Variants in LHFPL6 observed in about 807,000 individuals in gnomAD.
The protein encoded by LHFPL6 is LHFPL tetraspan subfamily member 6.
In LHFPL6, 9 loss-of-function variants were observed where a neutral mutation model predicts 20.6. The observed-to-expected ratio is 0.44, with a 90% CI of 0.26 to 0.76. LHFPL6 has a LOEUF of 0.76. Ranked by LOEUF, LHFPL6 falls within the 30% of genes least tolerant of loss-of-function variation. The pLI is 0.20. For synonymous variants in LHFPL6, 105 were observed against 98.7 expected (o/e 1.06, Z -0.38); for missense variants, 218 against 253.5 (o/e 0.86, Z 0.95).
At chr13:39,500,833 T>C (rs182031600) in intron 2 of LHFPL6, among the ~76,000 whole-genome samples, 16 of 152,348 alleles carry the variant, frequency 1.1e-4, no homozygotes, top group Non-Finnish European at 2.1e-4. Context: ...GTATTAAACA[T>C]AAATTAAACT....
intron 2 of LHFPL6, among the ~76,000 whole-genome samples, chr13:39,589,308 T>C (rs546916487): frequency 6.6e-6 from 1 of 152,248 alleles, no homozygotes; most frequent in Admixed American, 6.5e-5. Flanking sequence ...GGTTTCACCA[T>C]GTTGGTCAGG....
intron 2 of LHFPL6, among the ~76,000 whole-genome samples, chr13:39,482,817 G>A (rs536748863): frequency 2.0e-5 from 3 of 152,276 alleles, no homozygotes; most frequent in Non-Finnish European, 4.4e-5. Flanking sequence ...GGAAGGTAGA[G>A]TTTCATTAAA....
At chr13:39,412,847 G>A (rs868256468) in intron 2 of LHFPL6, among the ~76,000 whole-genome samples, 17 of 152,062 alleles carry the variant, frequency 1.1e-4, no homozygotes, top group Middle Eastern at 3.4e-3. Context: ...GCTCGAACCC[G>A]GGAGGCGGAG....
At chr13:39,345,782 G>C (rs1375305580) in intron 3 of LHFPL6, among the ~76,000 whole-genome samples, 1 of 152,144 alleles carries the variant, frequency 6.6e-6, no homozygotes, top group Admixed American at 6.5e-5. Flanking sequence ...GGAAGTGTGA[G>C]ATGTGACCAG....
chr13:39,448,034 C>A (rs539080218), intron 2 of LHFPL6, among the ~76,000 whole-genome samples: 2 of 152,300 alleles, frequency 1.3e-5, no homozygotes, highest in South Asian at 4.1e-4. Flanking sequence ...AGCCAGGCAC[C>A]AGGCCAAATC....
At chr13:39,467,457 C>A (rs9576810) in intron 2 of LHFPL6, among the ~76,000 whole-genome samples, 84,672 of 151,802 alleles carry the variant, frequency 0.56, 24,991 homozygotes, top group East Asian at 0.89. Flanking sequence ...GAAATATGGC[C>A]CTCTGACATG....
intron 2 of LHFPL6, among the ~76,000 whole-genome samples, chr13:39,538,116 A>G (rs770859166): frequency 6.6e-6 from 1 of 151,292 alleles, no homozygotes; most frequent in African/African-American, 2.4e-5. Flanking sequence ...TCAGCCCCCA[A>G]GTAGATGGGA....
chr13:39,391,970 C>T (rs1320210800), intron 2 of LHFPL6, among the ~76,000 whole-genome samples: 1 of 152,190 alleles, frequency 6.6e-6, no homozygotes, highest in African/African-American at 2.4e-5. Context: ...CGTTTTCTTT[C>T]TCTCTTGAAA....
intron 2 of LHFPL6, among the ~76,000 whole-genome samples, chr13:39,516,053 A>T (rs1317723545): frequency 6.6e-6 from 1 of 152,198 alleles, no homozygotes; most frequent in Non-Finnish European, 1.5e-5. Flanking sequence ...GCATTCTAGC[A>T]TATCCTATAA....
At chr13:39,484,782 G>T (rs1048049137) in intron 2 of LHFPL6, among the ~76,000 whole-genome samples, 7 of 152,124 alleles carry the variant, frequency 4.6e-5, no homozygotes, top group African/African-American at 1.4e-4. Context: ...CTTGCGGAGG[G>T]GGATGAATGA....
intron 2 of LHFPL6, among the ~76,000 whole-genome samples, chr13:39,513,100 T>A (rs1386010856): frequency 6.6e-6 from 1 of 152,254 alleles, no homozygotes. Context: ...TTCTGAATAA[T>A]AGCAAATAAC....
intron 3 of LHFPL6, among the ~76,000 whole-genome samples, chr13:39,367,644 T>C (rs1044824724): frequency 6.6e-6 from 1 of 152,210 alleles, no homozygotes; most frequent in Non-Finnish European, 1.5e-5. Context: ...GTTTACTATA[T>C]AGGTTCTAAG....
chr13:39,468,067 G>C (rs1307367609), intron 2 of LHFPL6, among the ~76,000 whole-genome samples: 1 of 152,066 alleles, frequency 6.6e-6, no homozygotes, highest in Non-Finnish European at 1.5e-5. Context: ...TGTTCCTCTT[G>C]GTTCCACATT....
chr13:39,404,268 A>T (rs117658208), intron 2 of LHFPL6, among the ~76,000 whole-genome samples: 1,902 of 152,296 alleles, frequency 0.012, 17 homozygotes, highest in Admixed American at 0.02. Flanking sequence ...AGTGTTGTTC[A>T]TGACCAAACT....
intron 2 of LHFPL6, among the ~76,000 whole-genome samples, chr13:39,392,950 AC>A (rs1405086571): frequency 1.3e-5 from 2 of 152,096 alleles, no homozygotes; most frequent in Non-Finnish European, 2.9e-5. Context: ...GAACACGCAA[AC>A]TTCTTTTCCT....
intron 2 of LHFPL6, among the ~76,000 whole-genome samples, chr13:39,472,843 T>G (rs531867759): frequency 2.0e-5 from 3 of 152,184 alleles, no homozygotes; most frequent in Non-Finnish European, 4.4e-5. Flanking sequence ...ACTCCTGACC[T>G]CAGGTGGTCC....
At chr13:39,464,647 C>T (rs2138431446) in intron 2 of LHFPL6, among the ~76,000 whole-genome samples, 1 of 150,086 alleles carries the variant, frequency 6.7e-6, no homozygotes, top group South Asian at 2.1e-4. Context: ...ATTTTTATAA[C>T]ATTTGAAAGA....
intron 2 of LHFPL6, among the ~76,000 whole-genome samples, chr13:39,498,342 C>A (rs1295633467): frequency 6.6e-6 from 1 of 152,198 alleles, no homozygotes; most frequent in Non-Finnish European, 1.5e-5. Context: ...CAAGCACCTA[C>A]TCTGTAGAGG....
In LHFPL6 at chr13:39,378,412, C is replaced by T. The variant is rs774853477; in HGVS notation, c.484+16G>A. The T allele has an allele frequency of 2.7e-5, 43 of 1,602,024 alleles. 1 individual carries two copies. In the Middle Eastern group the frequency reaches 6.6e-4, roughly 25 times the overall value. On this transcript the variant is annotated intron_variant, in intron 3 of 3. Coordinates refer to ENST00000379589, the MANE Select transcript of LHFPL6 (RefSeq NM_005780.3). ...TTCTTTTTCTAAAAGGAGTGCCATC[C>T]ATGAAGAAAGCTTACCCAGGTCAAA...
Sources: allele counts gnomAD v4.1 joint callset (sites outside exome capture counted in the v4.1 genomes callset), GRCh38; gene constraint gnomAD v4.1.1; transcripts MANE v1.5; gene names NCBI Gene and HGNC (gene_info 2026-07-23, HGNC 2026-07-21).